The following AP4S1 variants were observed in gnomAD, a reference collection of about 807,000 sequenced individuals.
AP4S1 encodes the protein adaptor related protein complex 4 subunit sigma 1.
AP4S1 carries 23 observed loss-of-function variants against 19.8 expected under a neutral mutation model. The ratio of observed to expected loss-of-function variants is 1.16; its 90% CI spans 0.84 to 1.65. AP4S1 has a LOEUF of 1.65. Ranked by LOEUF, AP4S1 falls within the 40% of genes most tolerant of loss-of-function variation. AP4S1 has a pLI of 0.00. For missense variants in AP4S1, 166 were observed against 172.8 expected (o/e 0.96, Z 0.22); for synonymous variants, 46 against 54.1 (o/e 0.85, Z 0.66).
chr14:31,047,843 C>T (rs967115897), intron 1 of AP4S1, among the ~76,000 whole-genome samples: 18 of 151,956 alleles, frequency 1.2e-4, no homozygotes. Flanking sequence ...GACTGCCACA[C>T]CCGGTTAATT....
chr14:31,047,780 G>A (rs1885505074), intron 1 of AP4S1, among the ~76,000 whole-genome samples: 1 of 151,980 alleles, frequency 6.6e-6, no homozygotes. Context: ...CCAGGCTCAA[G>A]CCATTGTCAT....
intron 1 of AP4S1, among the ~76,000 whole-genome samples, chr14:31,065,804 G>T (rs1190851984): frequency 6.6e-6 from 1 of 152,056 alleles, no homozygotes; most frequent in Non-Finnish European, 1.5e-5. Context: ...GGAACTACAG[G>T]CCCCCGCCAC....
At chr14:31,064,472 C>T (rs1046698926) in intron 1 of AP4S1, among the ~76,000 whole-genome samples, 6 of 152,116 alleles carry the variant, frequency 3.9e-5, no homozygotes. Context: ...CAGGTGTGCA[C>T]CACCATGCCT....
chr14:31,096,020 G>A lies in AP4S1; in HGVS notation c.*2985G>A, dbSNP rs1281196757. The A allele has an allele frequency of 2.0e-5, 3 of 149,746 alleles. No individual in the cohort carries two copies. The highest frequency in any genetic ancestry group is 7.4e-5 in the African/African-American group (3 of 40,528). 9.3% of individuals were successfully genotyped at this position (149,746 alleles called of 1,614,324 possible). A position where few individuals can be genotyped will look rare whatever the true frequency, so the allele number is the denominator to read the frequency against. Reference sequence around the variant, plus strand: ...GGATCACTTGAACCCAGGAGACAGAGGTTGCAGTGAGTTGAGATCGAGATT... The same window carrying A: ...GGATCACTTGAACCCAGGAGACAGAAGTTGCAGTGAGTTGAGATCGAGATT... On this transcript the variant is annotated 3_prime_UTR_variant, in exon 6 of 6. Coordinates refer to ENST00000542754, the MANE Select transcript of AP4S1 (RefSeq NM_001128126.3).
chr14:31,073,607 T>C (rs1407943575), intron 4 of AP4S1, among the ~76,000 whole-genome samples: 1 of 151,622 alleles, frequency 6.6e-6, no homozygotes, highest in Non-Finnish European at 1.5e-5. Context: ...TATTTATTTA[T>C]TTTTTTATTT....
chr14:31,026,524 A>G (rs772369111), intron 1 of AP4S1: 1 of 245,196 alleles, frequency 4.1e-6, no homozygotes, highest in Non-Finnish European at 7.8e-6. Flanking sequence ...ATCGCCAAAT[A>G]GAGTCCGGCC....
intron 1 of AP4S1, among the ~76,000 whole-genome samples, chr14:31,063,157 G>C (rs1341062305): frequency 4.6e-5 from 7 of 151,998 alleles, no homozygotes; most frequent in Admixed American, 1.3e-4. Context: ...AAGGCCGAGC[G>C]CAGTGACTCA....
At chr14:31,037,877 A>G (rs1884871391) in intron 1 of AP4S1, among the ~76,000 whole-genome samples, 1 of 152,200 alleles carries the variant, frequency 6.6e-6, no homozygotes, top group African/African-American at 2.4e-5. Context: ...TCTTGAGTCC[A>G]AGAGTTCCAG....
intron 1 of AP4S1, among the ~76,000 whole-genome samples, chr14:31,049,473 G>A (rs371700199): frequency 0.24 from 9,698 of 40,842 alleles, 785 homozygotes; most frequent in Non-Finnish European, 0.28. Flanking sequence ...GTATATATAT[G>A]TACACACACA....
chr14:31,039,196 T>C (rs902830858), intron 1 of AP4S1, among the ~76,000 whole-genome samples: 1 of 151,640 alleles, frequency 6.6e-6, no homozygotes, highest in Admixed American at 6.6e-5. Flanking sequence ...TTTCTTTACT[T>C]TTTTTTTGAG....
chr14:31,062,235 A>G (rs948904720), intron 1 of AP4S1, among the ~76,000 whole-genome samples: 3 of 151,978 alleles, frequency 2.0e-5, no homozygotes, highest in African/African-American at 7.3e-5. Context: ...AGTAGCTGGG[A>G]TTACAGGCGC....
intron 5 of AP4S1, among the ~76,000 whole-genome samples, chr14:31,087,032 A>G (rs1887937369): frequency 6.6e-6 from 1 of 152,146 alleles, no homozygotes; most frequent in Non-Finnish European, 1.5e-5. Context: ...TTCTGGGAAT[A>G]CAGACATGCA....
chr14:31,052,827 C>T (rs934388103), intron 1 of AP4S1, among the ~76,000 whole-genome samples: 4 of 151,158 alleles, frequency 2.6e-5, no homozygotes, highest in Admixed American at 2.6e-4. Flanking sequence ...ATCTAAAAGA[C>T]CAGTAAAAAT....
Position 31,031,440 on chromosome 14 carries a change from C to G in AP4S1, c.-72+5653C>G, listed in dbSNP as rs74042116. ...ATCTTCAAATGTTTGATGAATAACT[C>G]AAATTTAGACTAGACTAATATGAAT... is the stretch of plus-strand genomic sequence containing the variant. On this transcript the variant is annotated intron_variant, in intron 1 of 5. Coordinates refer to ENST00000542754, the MANE Select transcript of AP4S1 (RefSeq NM_001128126.3). Among the ~76,000 whole-genome samples, 578 of 152,260 alleles carry G rather than the reference C, an allele frequency of 3.8e-3. 2 individuals carry two copies. Among genetic ancestry groups the G allele is most frequent in the African/African-American group, 0.013 (543 of 41,562 alleles).
chr14:31,026,862 T>C (rs928687947), intron 1 of AP4S1: 2 of 144,816 alleles, frequency 1.4e-5, no homozygotes, highest in African/African-American at 4.9e-5. Context: ...TTCTTTTTCA[T>C]TCTTTGAGTG....
intron 4 of AP4S1, among the ~76,000 whole-genome samples, chr14:31,073,387 G>C (rs1410233758): frequency 1.5e-5 from 2 of 134,676 alleles, no homozygotes; most frequent in Admixed American, 7.8e-5. Flanking sequence ...CTACTCCGGA[G>C]GCTGAGGCAG....
intron 5 of AP4S1, among the ~76,000 whole-genome samples, chr14:31,082,979 T>G (rs932869461): frequency 6.6e-6 from 1 of 152,030 alleles, no homozygotes; most frequent in South Asian, 2.1e-4. Flanking sequence ...GTAACTGAGC[T>G]GAGTTACCTT....
intron 1 of AP4S1, among the ~76,000 whole-genome samples, chr14:31,065,818 G>A (rs950972349): frequency 9.2e-5 from 14 of 151,878 alleles, no homozygotes; most frequent in African/African-American, 3.4e-4. Flanking sequence ...CCGCCACCAC[G>A]CCCAGCTAAT....
intron 1 of AP4S1, among the ~76,000 whole-genome samples, chr14:31,047,685 G>A (rs907653368): frequency 3.9e-5 from 6 of 152,098 alleles, no homozygotes; most frequent in Middle Eastern, 3.4e-3. Flanking sequence ...GTGAGCCACC[G>A]TGCCCAGCCT....
Sources: allele counts gnomAD v4.1 joint callset (sites outside exome capture counted in the v4.1 genomes callset), GRCh38; gene constraint gnomAD v4.1.1; transcripts MANE v1.5; gene names NCBI Gene and HGNC (gene_info 2026-07-23, HGNC 2026-07-21).